TSPOAP1: variants seen among roughly 807,000 people sequenced by gnomAD.
TSPOAP1 encodes the protein peripheral-type benzodiazepine receptor-associated protein 1.
A neutral mutation model predicts 197.0 loss-of-function variants in TSPOAP1; 87 were observed. That is an observed-to-expected ratio of 0.44 (90% CI 0.37 to 0.53). The LOEUF (loss-of-function observed/expected upper bound fraction) is 0.53, where lower values mean the gene tolerates loss of function less well. Ranked by LOEUF, TSPOAP1 falls within the 20% of genes least tolerant of loss-of-function variation. TSPOAP1 has a pLI of 0.00. For synonymous variants in TSPOAP1, 913 were observed against 998.9 expected (o/e 0.91, Z 1.62); for missense variants, 2,174 against 2,411.3 (o/e 0.90, Z 2.06).
rs371656253 is a variant in TSPOAP1, at chr17:58,308,948, G to T, written c.4324C>A (p.Arg1442=). The change falls in exon 22 of 32, where the codon CGA becomes AGA. Residue 1442 remains arginine, a synonymous_variant. Transcript: ENST00000343736. The part of the protein sequence containing the change: ...LSNNGPQASG[R]LGPTRERGGL... ...CCCCTCTCCCGTGTGGGGCCCAGTCGTCCAGAGGCCTGGGGCCCATTGTTG... is the reference window on the plus strand; with the variant it reads ...CCCCTCTCCCGTGTGGGGCCCAGTCTTCCAGAGGCCTGGGGCCCATTGTTG... 68 of 1,605,086 alleles carry T rather than the reference G, an allele frequency of 4.2e-5. No homozygotes were observed. Among genetic ancestry groups the T allele is most frequent in the Non-Finnish European group, 5.6e-5 (66 of 1,176,384 alleles).
intron 16 of TSPOAP1, 98 bp from the exon 17 acceptor site, chr17:58,312,820 GT>G: frequency 1.2e-6 from 1 of 837,602 alleles, no homozygotes; most frequent in Non-Finnish European, 1.8e-6. Flanking sequence ...CTGCTAGTGG[GT>G]GATCTTCAGC....
chr17:58,325,835 C>A, intron 3 of TSPOAP1, 122 bp from the exon 4 acceptor site: 1 of 1,071,110 alleles, frequency 9.3e-7, no homozygotes, highest in Non-Finnish European at 1.3e-6. Context: ...CTGCTTCCAC[C>A]TTGACTGGGG....
chr17:58,325,381 C>T (rs1269291830), intron 4 of TSPOAP1, 153 bp downstream of exon 4: 5 of 954,164 alleles, frequency 5.2e-6, no homozygotes, highest in Non-Finnish European at 7.8e-6. Flanking sequence ...CTTCTCCCCT[C>T]TCCCACCTGG....
At position 58,312,624 on chromosome 17, in the gene TSPOAP1, C is replaced by T. The variant is rs764729139; in HGVS notation, c.2197G>A (p.Asp733Asn). The T allele has an allele frequency of 2.5e-5, 40 of 1,613,824 alleles. No homozygotes were observed. The highest frequency in any genetic ancestry group is 3.3e-5 in the Admixed American group (2 of 60,016). Reference sequence around the variant, plus strand: ...TCAGGGCCTGAGCTGTGGGACAAATCGGCCAGCTCTGGAGGGAGGGAGGTC... The same window carrying T: ...TCAGGGCCTGAGCTGTGGGACAAATTGGCCAGCTCTGGAGGGAGGGAGGTC... ...LLTSLPPELADLSHSSGPELS... is the reference protein window; with the variant it reads ...LLTSLPPELANLSHSSGPELS... The change falls in exon 17 of 32, where the codon GAT becomes AAT. Residue 733 changes from aspartate (D) to asparagine (N), a missense_variant. By Grantham distance (23) the Asp-to-Asn change is conservative (BLOSUM62 1). This residue lies in a region of TSPOAP1 where 1,933 missense variants were observed against 2,139.0 expected (regional missense o/e 0.90). Coordinates refer to ENST00000343736, the MANE Select transcript of TSPOAP1 (RefSeq NM_004758.4).
intron 14 of TSPOAP1, among the ~76,000 whole-genome samples, chr17:58,317,741 G>A (rs1027508554): frequency 1.1e-4 from 17 of 152,156 alleles, no homozygotes; most frequent in Admixed American, 1.0e-3. Flanking sequence ...CAGCTGCCCC[G>A]TGTTGAGCAC....
intron 15 of TSPOAP1, 91 bp downstream of exon 15, chr17:58,316,334 C>A (rs922171366): frequency 1.1e-5 from 14 of 1,260,508 alleles, no homozygotes; most frequent in Non-Finnish European, 1.6e-5. Flanking sequence ...ACTGCCCCCA[C>A]CACTTCCAGA....
chr17:58,310,975 G>C lies in TSPOAP1; in HGVS notation c.3320C>G (p.Pro1107Arg). Residue 1107 changes from proline (P) to arginine (R), a missense_variant, in exon 19 of 32, where the codon CCA becomes CGA. Pro to Arg is a moderately radical substitution (Grantham distance 103). Coordinates refer to ENST00000343736, the MANE Select transcript of TSPOAP1 (RefSeq NM_004758.4). ...EARAPLASASPGPGDPSSPLQ... is the reference protein window; with the variant it reads ...EARAPLASASRGPGDPSSPLQ... The stretch of plus-strand genomic sequence containing the variant: ...AGGAGAGCTGGGGTCTCCAGGCCCT[G>C]GGGAGGCTGAAGCAAGGGGCGCTCT... The C allele has an allele frequency of 1.9e-6, 3 of 1,596,192 alleles. No individual in the cohort carries two copies. The highest frequency in any genetic ancestry group is 1.7e-6 in the Non-Finnish European group (2 of 1,171,714).
intron 16 of TSPOAP1, among the ~76,000 whole-genome samples, chr17:58,315,511 C>G (rs533214087): frequency 1.3e-5 from 2 of 152,338 alleles, no homozygotes; most frequent in Admixed American, 1.3e-4. Context: ...CTCTGACTCC[C>G]CACAGGAGCT....
Position 58,323,351 on chromosome 17 carries a change from A to G in TSPOAP1, c.1051T>C (p.Cys351Arg), listed in dbSNP as rs771368571. The G allele has an allele frequency of 2.5e-6, 4 of 1,614,160 alleles. No homozygotes were observed. The highest frequency in any genetic ancestry group is 1.1e-5 in the South Asian group (1 of 91,092). The change falls in exon 7 of 32, where the codon TGC (cysteine) becomes CGC (arginine). Residue 351 changes from cysteine to arginine, a missense_variant. Transcript: ENST00000343736. ...ESELSKKRKK[C>R]ESLEQEARKK... ...CGGGCTTCCTGCTCCAGGCTCTCGC[A>G]TTTCTTCCGCTTCTTGCTGAGCTCC...
In TSPOAP1 at chr17:58,311,702, C is replaced by A; in HGVS notation, c.2950G>T (p.Asp984Tyr). The change falls in exon 18 of 32, where the codon GAT becomes TAT. Residue 984 changes from aspartate (D) to tyrosine (Y), a missense_variant. This residue lies in a region of TSPOAP1 where 1,933 missense variants were observed against 2,139.0 expected (regional missense o/e 0.90). Coordinates refer to ENST00000343736, the MANE Select transcript of TSPOAP1 (RefSeq NM_004758.4). The part of the protein sequence containing the change: ...LPAGPPDAPL[D>Y]VQIEPGPSPG... Reference sequence around the variant, plus strand: ...GAGGGCCCAGGCTCGATCTGCACATCCAGAGGGGCATCAGGTGGGCCTGGG... The same window carrying A: ...GAGGGCCCAGGCTCGATCTGCACATACAGAGGGGCATCAGGTGGGCCTGGG... The A allele has an allele frequency of 6.3e-7, 1 of 1,586,830 alleles. No individual in the cohort carries two copies. Among genetic ancestry groups the A allele is most frequent in the Non-Finnish European group, 8.6e-7 (1 of 1,163,718 alleles).
Position 58,304,479 on chromosome 17 carries a change from G to T in TSPOAP1, c.5545-80C>A. 8.7e-7 allele frequency: 1 copy of T among 1,155,074 alleles called. No homozygotes were observed. Among genetic ancestry groups the T allele is most frequent in the Non-Finnish European group, 1.3e-6 (1 of 762,768 alleles). 71.6% of individuals were successfully genotyped at this position (1,155,074 alleles called of 1,614,324 possible). A position where few individuals can be genotyped will look rare whatever the true frequency, so the allele number is the denominator to read the frequency against. On this transcript the variant is annotated intron_variant, in intron 30 of 31. Transcript: ENST00000343736. The surrounding 1 kb of genome is among the most constrained non-coding windows in gnomAD (Gnocchi z 4.2). ...CCGCCCGGCCACCAGGTGGCCCTGC[G>T]CAGGGGTGGGCCCTACTCTCCAAGG...
Position 58,311,628 on chromosome 17 carries a change from A to G in TSPOAP1, c.3024T>C (p.Ala1008=). ...TGACCCGGACACCGTTGGATGTGCC[A>G]GCAGCATCGATGGTGACTGGGAGCC... ...ISWLPVTIDA[A]GTSNGVRVTG... is the part of the protein sequence containing the mutation. The change falls in exon 18 of 32, where the codon GCT becomes GCC. Residue 1008 remains alanine, a synonymous_variant. Transcript: ENST00000343736. The G allele has an allele frequency of 6.2e-7, 1 of 1,610,998 alleles. No homozygotes were observed. Among genetic ancestry groups the G allele is most frequent in the South Asian group, 1.1e-5 (1 of 90,814 alleles).
In TSPOAP1 at chr17:58,322,734, C is replaced by G. The variant is rs770493502; in HGVS notation, c.1237G>C (p.Val413Leu). Reference protein sequence around the residue: ...NAELRGQLLGVTQERDSALRK... With the variant: ...NAELRGQLLGLTQERDSALRK... ...AGGGCTGAGTCCCTCTCCTGTGTCA[C>G]CCCCAGGAGCTGGCCCCTCAGCTCC... Residue 413 changes from valine (V) to leucine (L), a missense_variant, in exon 9 of 32, where the codon GTG (valine) becomes CTG (leucine). Val to Leu is a conservative substitution (Grantham distance 32). Coordinates refer to ENST00000343736, the MANE Select transcript of TSPOAP1 (RefSeq NM_004758.4). This position sits in a 1 kb window ranked among gnomAD's most constrained non-coding sequence, Gnocchi z 5.0. 8 of 1,612,906 alleles carry G rather than the reference C, an allele frequency of 5.0e-6. No homozygotes were observed. Among genetic ancestry groups the G allele is most frequent in the Non-Finnish European group, 6.8e-6 (8 of 1,180,002 alleles).
chr17:58,326,490 G>A lies in TSPOAP1; in HGVS notation c.442-69C>T. 6.3e-7 allele frequency: 1 copy of A among 1,592,536 alleles called. No homozygotes were observed. Among genetic ancestry groups the A allele is most frequent in the Non-Finnish European group, 8.6e-7 (1 of 1,169,198 alleles). On this transcript the variant is annotated intron_variant, in intron 2 of 31. Coordinates refer to ENST00000343736, the MANE Select transcript of TSPOAP1 (RefSeq NM_004758.4). This position sits in a 1 kb window ranked among gnomAD's most constrained non-coding sequence, Gnocchi z 4.7. ...CACAGACCCAGTCCTAACAGCCCAA[G>A]TCTTGGGCTAGAGCCCTAGGCTCAC... is the stretch of plus-strand genomic sequence containing the variant.
intron 14 of TSPOAP1, among the ~76,000 whole-genome samples, chr17:58,317,182 C>A (rs1238381568): frequency 6.6e-6 from 1 of 151,900 alleles, no homozygotes; most frequent in Non-Finnish European, 1.5e-5. Context: ...GGGGATAGAG[C>A]GAGGCCCTGT....
chr17:58,310,041 C>T lies in TSPOAP1; in HGVS notation c.3817G>A (p.Glu1273Lys), dbSNP rs749435451. 2.5e-6 allele frequency: 4 copies of T among 1,613,712 alleles called. 1 individual carries two copies. Among genetic ancestry groups the T allele is most frequent in the Admixed American group, 1.7e-5 (1 of 60,022 alleles). The stretch of plus-strand genomic sequence containing the variant: ...GAGCAAGTCCTGGAACCCAGCTCCT[C>T]TTCCTCCTCCTCCTCCTCCTCTTCC... Reference protein sequence around the residue: ...EEEEEEEEEEEELGSRTCSFQ... With the variant: ...EEEEEEEEEEKELGSRTCSFQ... The change falls in exon 21 of 32, where the codon GAG (glutamate) becomes AAG (lysine). Residue 1273 changes from glutamate (E) to lysine (K), a missense_variant. Physicochemically the swap from Glu to Lys is moderately conservative, Grantham distance 56. Coordinates refer to ENST00000343736, the MANE Select transcript of TSPOAP1 (RefSeq NM_004758.4).
In TSPOAP1 at chr17:58,311,095, G is replaced by A. The variant is rs1177866898; in HGVS notation, c.3200C>T (p.Ala1067Val). ...AGTGATAGGAGCCGGGATGGAGTCC[G>A]CCGACTCCCCGTGGGGCGACATGGT... Reference protein sequence around the residue: ...VRTMSPHGESADSIPAPITPA... With the variant: ...VRTMSPHGESVDSIPAPITPA... The change falls in exon 19 of 32, where the codon GCG becomes GTG. Residue 1067 changes from alanine to valine, a missense_variant. By Grantham distance (64) the Ala-to-Val change is moderately conservative (BLOSUM62 0). This residue lies in a region of TSPOAP1 where 1,933 missense variants were observed against 2,139.0 expected (regional missense o/e 0.90). Transcript: ENST00000343736. 13 of 1,586,784 alleles carry A rather than the reference G, an allele frequency of 8.2e-6. No individual in the cohort carries two copies. The highest frequency in any genetic ancestry group is 2.3e-5 in the South Asian group (2 of 87,898).
intron 30 of TSPOAP1, 29 bp downstream of exon 30, chr17:58,305,032 C>A (rs1400215436): frequency 1.3e-6 from 2 of 1,570,200 alleles, no homozygotes; most frequent in African/African-American, 1.3e-5. Flanking sequence ...GACTGCCCTG[C>A]CAAGCTGGGA....
In TSPOAP1 at chr17:58,309,026, G is replaced by A. The variant is rs772579534; in HGVS notation, c.4246C>T (p.Pro1416Ser). 36 of 1,609,188 alleles carry A rather than the reference G, an allele frequency of 2.2e-5. No individual in the cohort carries two copies. The highest frequency in any genetic ancestry group is 3.1e-5 in the Non-Finnish European group (36 of 1,178,718). The change falls in exon 22 of 32, where the codon CCA becomes TCA. Residue 1416 changes from proline (P) to serine (S), a missense_variant. Pro to Ser is a moderately conservative substitution (Grantham distance 74). Transcript: ENST00000343736. The surrounding 1 kb of genome is among the most constrained non-coding windows in gnomAD (Gnocchi z 5.0). ...RRGGGSPEKPPSRRRPPDPRE... is the reference protein window; with the variant it reads ...RRGGGSPEKPSSRRRPPDPRE... ...GGATCTGGAGGCCGCCTGCGGCTTG[G>A]GGGCTTCTCAGGGGAGCCCCCTCCT...
Sources: gnomAD v4.1 joint callset for allele counts (sites outside exome capture counted in the v4.1 genomes callset) on GRCh38, gnomAD v4.1.1 for gene constraint, gnomAD v4.1.1 regional missense constraint, Gnocchi (gnomAD v3.1) non-coding constraint, MANE v1.5 for transcripts, NCBI Gene and HGNC (gene_info 2026-07-23, HGNC 2026-07-21) for gene names.